The following NRXN3 variants were observed in gnomAD, a reference collection of about 807,000 sequenced individuals.
NRXN3 encodes neurexin 3, also known as neurexin III.
NRXN3 carries 32 observed loss-of-function variants against 137.6 expected under a neutral mutation model. That is an observed-to-expected ratio of 0.23 (90% CI 0.18 to 0.31). The LOEUF is 0.31. Among genes scored for constraint, NRXN3 ranks in the 10% least tolerant of loss-of-function variants. The pLI, the probability that NRXN3 is intolerant of heterozygous loss-of-function variation, is 1.00. For missense variants in NRXN3, 1,574 were observed against 2,062.5 expected (o/e 0.76, Z 4.59); for synonymous variants, 798 against 784.5 (o/e 1.02, Z -0.29).
chr14:78,312,098 G>A (rs1259735963), intron 4 of NRXN3, among the ~76,000 whole-genome samples: 1 of 152,140 alleles, frequency 6.6e-6, no homozygotes, highest in Non-Finnish European at 1.5e-5. Context: ...ACTGTTGATG[G>A]TATTTGTTAT....
At chr14:78,853,108 T>A (rs150754545) in intron 10 of NRXN3, among the ~76,000 whole-genome samples, 3,474 of 152,306 alleles carry the variant, frequency 0.023, 59 homozygotes, top group Middle Eastern at 0.034. Flanking sequence ...AGGGTACACA[T>A]GCACAACGTG....
intron 2 of NRXN3, among the ~76,000 whole-genome samples, chr14:78,265,749 T>A (rs1408150308): frequency 6.6e-6 from 1 of 152,228 alleles, no homozygotes; most frequent in African/African-American, 2.4e-5. Context: ...GCTCCAAAAT[T>A]GTCCAGCTGA....
intron 16 of NRXN3, among the ~76,000 whole-genome samples, chr14:79,568,363 T>C (rs996352624): frequency 1.3e-5 from 2 of 152,188 alleles, no homozygotes; most frequent in African/African-American, 4.8e-5. Context: ...GAAGCATCTT[T>C]TTCAATAGTC....
intron 8 of NRXN3, among the ~76,000 whole-genome samples, chr14:78,798,282 T>A (rs1247437703): frequency 6.6e-6 from 1 of 152,142 alleles, no homozygotes; most frequent in Non-Finnish European, 1.5e-5. Flanking sequence ...GGGGAGAAAT[T>A]GGCCAAAACA....
intron 10 of NRXN3, among the ~76,000 whole-genome samples, chr14:78,923,030 G>C (rs1037400048): frequency 2.0e-5 from 3 of 152,144 alleles, no homozygotes; most frequent in African/African-American, 7.2e-5. Flanking sequence ...TACTGTTGAT[G>C]TGATGATTGC....
chr14:79,651,563 A>G (rs2098476247), intron 16 of NRXN3, among the ~76,000 whole-genome samples: 1 of 152,202 alleles, frequency 6.6e-6, no homozygotes, highest in South Asian at 2.1e-4. Flanking sequence ...GTTCCATTAA[A>G]AAAACATTGA....
At chr14:78,349,960 G>A (rs2083258848) in intron 4 of NRXN3, among the ~76,000 whole-genome samples, 1 of 152,208 alleles carries the variant, frequency 6.6e-6, no homozygotes, top group South Asian at 2.1e-4. Flanking sequence ...CTAGGGAGAA[G>A]GCAGTTAGAG....
At chr14:78,779,573 A>T (rs1951331774) in intron 8 of NRXN3, among the ~76,000 whole-genome samples, 1 of 152,132 alleles carries the variant, frequency 6.6e-6, no homozygotes, top group Non-Finnish European at 1.5e-5. Flanking sequence ...GAAAGTCCAT[A>T]AGGGTTTATT....
chr14:78,665,903 G>A (rs2097881725), intron 6 of NRXN3, among the ~76,000 whole-genome samples: 1 of 152,072 alleles, frequency 6.6e-6, no homozygotes, highest in Admixed American at 6.6e-5. Context: ...CTGCCTCAGA[G>A]TCTTCATTTT....
At chr14:79,683,697 G>C (rs888444881) in intron 17 of NRXN3, among the ~76,000 whole-genome samples, 2 of 152,164 alleles carry the variant, frequency 1.3e-5, no homozygotes, top group African/African-American at 4.8e-5. Flanking sequence ...TCATCTCAGT[G>C]CTATCTAGAC....
At chr14:78,731,810 G>A (rs2098517142) in intron 8 of NRXN3, among the ~76,000 whole-genome samples, 1 of 150,112 alleles carries the variant, frequency 6.7e-6, no homozygotes, top group South Asian at 2.1e-4. Flanking sequence ...TTATCTCGTA[G>A]TTGCATAATT....
chr14:79,707,908 T>A (rs1364082975), intron 19 of NRXN3, among the ~76,000 whole-genome samples: 1 of 152,174 alleles, frequency 6.6e-6, no homozygotes, highest in East Asian at 1.9e-4. Flanking sequence ...TCTGTAATTA[T>A]TGCTATAAGA....
chr14:79,054,853 T>C, intron 15 of NRXN3, among the ~76,000 whole-genome samples: 1 of 152,228 alleles, frequency 6.6e-6, no homozygotes, highest in East Asian at 1.9e-4. Flanking sequence ...AGTCTCCTAC[T>C]TGCTGAAGGC....
At chr14:79,612,921 T>C (rs1048233936) in intron 16 of NRXN3, among the ~76,000 whole-genome samples, 3 of 152,338 alleles carry the variant, frequency 2.0e-5, no homozygotes, top group Middle Eastern at 3.4e-3. Flanking sequence ...GAAATAACAC[T>C]GCCTTAGTTT....
chr14:78,335,345 C>T (rs1017735683), intron 4 of NRXN3, among the ~76,000 whole-genome samples: 1 of 152,178 alleles, frequency 6.6e-6, no homozygotes, highest in South Asian at 2.1e-4. Flanking sequence ...GGCACTCTGT[C>T]AGCTCTTTTA....
intron 15 of NRXN3, among the ~76,000 whole-genome samples, chr14:79,338,687 C>T (rs1286684856): frequency 6.6e-6 from 1 of 152,226 alleles, no homozygotes; most frequent in Non-Finnish European, 1.5e-5. Context: ...ATTAATTTAT[C>T]ACATATTATT....
intron 4 of NRXN3, among the ~76,000 whole-genome samples, chr14:78,562,930 C>T (rs964725248): frequency 3.9e-5 from 6 of 152,106 alleles, no homozygotes; most frequent in Admixed American, 1.3e-4. Context: ...TAAGAAATAA[C>T]TGTAATCAGT....
chr14:79,404,303 CA>C (rs573914336), intron 15 of NRXN3, among the ~76,000 whole-genome samples: 3 of 152,140 alleles, frequency 2.0e-5, no homozygotes, highest in Non-Finnish European at 4.4e-5. Context: ...TCAAATGTTT[CA>C]GATTTGTAAT....
chr14:78,943,616 AAAAAAATATATATATATATATATATATAT>A lies in NRXN3; in HGVS notation c.2276-13624_2276-13596del, dbSNP rs1436193777. Reference sequence around the variant, plus strand: ...AAAGAAGCAAGATCACTGTTAAAAAAAAAAAATATATATATATATATATATATATATATATATATATATATATATATATA... The same window carrying A: ...AAAGAAGCAAGATCACTGTTAAAAAAATATATATATATATATATATATATA... On this transcript the variant is annotated intron_variant, in intron 10 of 20. Coordinates refer to ENST00000335750, the MANE Select transcript of NRXN3 (RefSeq NM_001330195.2). Among the ~76,000 whole-genome samples, 16 of 41,042 alleles carry A rather than the reference AAAAAAATATATATATATATATATATATAT, an allele frequency of 3.9e-4. 1 individual carries two copies. The highest frequency in any genetic ancestry group is 5.1e-4 in the Non-Finnish European group (12 of 23,310). The allele number at this position is 41,042 out of a possible 152,430, so 26.9% of individuals were successfully genotyped here.
Sources: allele counts gnomAD v4.1 joint callset (sites outside exome capture counted in the v4.1 genomes callset), GRCh38; gene constraint gnomAD v4.1.1; transcripts MANE v1.5; gene names NCBI Gene and HGNC (gene_info 2026-07-23, HGNC 2026-07-21).